Variants in NOL4L observed in about 807,000 individuals in gnomAD.
The protein encoded by NOL4L is nucleolar protein 4-like.
In NOL4L, 7 loss-of-function variants were observed where a neutral mutation model predicts 64.5. That is an observed-to-expected ratio of 0.11 (90% CI 0.06 to 0.20). The LOEUF is 0.20. Ranked by LOEUF, NOL4L falls within the 10% of genes least tolerant of loss-of-function variation. The probability of loss-of-function intolerance (pLI) is 1.00; values close to 1 mark genes in which losing one functional copy is unlikely to be tolerated. For synonymous variants in NOL4L, 413 were observed against 401.0 expected, an observed-to-expected ratio of 1.03 and a Z score of -0.36; for missense variants, 680 against 967.1, an observed-to-expected ratio of 0.70 and a Z score of 3.94.
Position 32,453,298 on chromosome 20 carries a change from A to T in NOL4L, c.1497+6T>A, listed in dbSNP as rs764739676. The T allele has an allele frequency of 5.6e-6, 9 of 1,610,232 alleles. No homozygotes were observed. Reference sequence around the variant, plus strand: ...GGAAAGTGTGGGCCAGGCAGGGGGGACTCACCATCTCCATGCCGTTCTTCT... The same window carrying T: ...GGAAAGTGTGGGCCAGGCAGGGGGGTCTCACCATCTCCATGCCGTTCTTCT... On this transcript the variant is annotated splice_donor_region_variant and intron_variant, in intron 8 of 10. Coordinates refer to ENST00000621426, the MANE Select transcript of NOL4L (RefSeq NM_001256798.2). This position sits in a 1 kb window ranked among gnomAD's most constrained non-coding sequence, Gnocchi z 5.6.
At chr20:32,556,163 C>T (rs1395601118) in intron 1 of NOL4L, among the ~76,000 whole-genome samples, 2 of 152,138 alleles carry the variant, frequency 1.3e-5, no homozygotes, top group Non-Finnish European at 1.5e-5. Context: ...TCTGCGGCCT[C>T]GGGAGCTCTC....
At chr20:32,475,718 C>T (rs563423404) in intron 4 of NOL4L, among the ~76,000 whole-genome samples, 1 of 152,224 alleles carries the variant, frequency 6.6e-6, no homozygotes, top group South Asian at 2.1e-4. Flanking sequence ...ACACAATGGC[C>T]TCTGTGGGCC....
At chr20:32,574,195 C>T (rs1406700517) in intron 1 of NOL4L, among the ~76,000 whole-genome samples, 1 of 152,218 alleles carries the variant, frequency 6.6e-6, no homozygotes, top group African/African-American at 2.4e-5. Flanking sequence ...TCTGGATGTC[C>T]CTACAGTGGC....
intron 4 of NOL4L, among the ~76,000 whole-genome samples, chr20:32,494,971 T>A (rs2016629040): frequency 6.8e-6 from 1 of 147,990 alleles, no homozygotes; most frequent in Admixed American, 6.6e-5. Context: ...GTGGACTAGA[T>A]GGCAAGGATC....
chr20:32,582,802 C>A (rs1380685189), intron 1 of NOL4L, among the ~76,000 whole-genome samples: 1 of 152,222 alleles, frequency 6.6e-6, no homozygotes, highest in East Asian at 1.9e-4. Flanking sequence ...CTCAGAAAAA[C>A]CGCCCTCCGG....
At chr20:32,500,736 C>G (rs2016891170) in intron 4 of NOL4L, among the ~76,000 whole-genome samples, 1 of 151,588 alleles carries the variant, frequency 6.6e-6, no homozygotes, top group Admixed American at 6.6e-5. Context: ...CAAAGAAGCA[C>G]TAAAAAACAA....
chr20:32,514,915 G>A (rs1244922264), intron 3 of NOL4L, among the ~76,000 whole-genome samples: 3 of 152,074 alleles, frequency 2.0e-5, no homozygotes, highest in Non-Finnish European at 4.4e-5. Flanking sequence ...TGTGAAGGGC[G>A]CCCAGCACTC....
At chr20:32,449,400 G>A (rs1283181724) in intron 10 of NOL4L, among the ~76,000 whole-genome samples, 1 of 152,232 alleles carries the variant, frequency 6.6e-6, no homozygotes, top group Non-Finnish European at 1.5e-5. Flanking sequence ...TATCCAGACT[G>A]GAAGTAACAT....
chr20:32,535,253 A>C, intron 1 of NOL4L, among the ~76,000 whole-genome samples: 1 of 148,050 alleles, frequency 6.8e-6, no homozygotes, highest in Admixed American at 6.8e-5. Context: ...TCTGAATACT[A>C]CCTACTGGGG....
At chr20:32,470,229 T>C (rs535514795) in intron 5 of NOL4L, among the ~76,000 whole-genome samples, 1 of 152,330 alleles carries the variant, frequency 6.6e-6, no homozygotes, top group African/African-American at 2.4e-5. Context: ...CCTCACATTT[T>C]CCGCTCAGGA....
At chr20:32,537,123 TCTC>T in intron 1 of NOL4L, 2 of 985,116 alleles carry the variant, frequency 2.0e-6, no homozygotes, top group Middle Eastern at 5.2e-4. Flanking sequence ...TCTTGCCAGC[TCTC>T]CTTCAGGGAG....
chr20:32,469,219 C>T (rs999090865), intron 5 of NOL4L, among the ~76,000 whole-genome samples: 3 of 151,974 alleles, frequency 2.0e-5, no homozygotes, highest in Non-Finnish European at 2.9e-5. Flanking sequence ...AGGCCAATGA[C>T]TATGTGAGAA....
intron 5 of NOL4L, among the ~76,000 whole-genome samples, chr20:32,457,774 C>A (rs1292009852): frequency 6.6e-6 from 1 of 152,224 alleles, no homozygotes; most frequent in Non-Finnish European, 1.5e-5. Context: ...CAGGGCAGCT[C>A]CGGGCTCTGC....
rs1381881234 is a variant in NOL4L at position 32,514,083 on chromosome 20, C to CT, written c.590-2628dup. ...CTTTGACGCTGTGTACTTCTGGTGA[C>CT]TTTATAGATCAAATAACATTTTGAA... is the stretch of plus-strand genomic sequence containing the variant. On this transcript the variant is annotated intron_variant, in intron 3 of 10. Transcript: ENST00000621426. Among the ~76,000 whole-genome samples, 4 of 152,296 alleles carry CT rather than the reference C, an allele frequency of 2.6e-5. No homozygotes were observed. The East Asian group carries it at 7.7e-4, about 29-fold the overall frequency.
At chr20:32,556,004 C>A (rs1978624157) in intron 1 of NOL4L, among the ~76,000 whole-genome samples, 1 of 152,216 alleles carries the variant, frequency 6.6e-6, no homozygotes, top group South Asian at 2.1e-4. Flanking sequence ...TTTCTGTGAT[C>A]ATTTGGTTAA....
intron 4 of NOL4L, 21 bp from the exon 5 acceptor site, chr20:32,474,763 T>G: frequency 6.3e-7 from 1 of 1,589,614 alleles, no homozygotes; most frequent in Non-Finnish European, 8.6e-7. Context: ...ACAAAGAAGG[T>G]GGGCATTCAG....
chr20:32,487,277 T>C (rs142137285), intron 4 of NOL4L, among the ~76,000 whole-genome samples: 1 of 151,666 alleles, frequency 6.6e-6, no homozygotes, highest in African/African-American at 2.4e-5. Context: ...TCAAAAAAAA[T>C]TAAAGAGAGA....
chr20:32,513,554 TATA>T (rs1275245121), intron 3 of NOL4L, among the ~76,000 whole-genome samples: 5 of 152,124 alleles, frequency 3.3e-5, no homozygotes, highest in Admixed American at 2.0e-4. Context: ...ACAGTGTGAA[TATA>T]ATATCTTTAA....
rs372788532 is a variant in NOL4L, at chr20:32,453,409, G to T, written c.1392C>A (p.Ile464=). 5 of 1,613,976 alleles carry T rather than the reference G, an allele frequency of 3.1e-6. No individual in the cohort carries two copies. Among genetic ancestry groups the T allele is most frequent in the Admixed American group, 1.7e-5 (1 of 60,008 alleles). The change falls in exon 8 of 11, where the codon ATC becomes ATA. Residue 464 remains isoleucine (I), a synonymous_variant. Coordinates refer to ENST00000621426, the MANE Select transcript of NOL4L (RefSeq NM_001256798.2). This position sits in a 1 kb window ranked among gnomAD's most constrained non-coding sequence, Gnocchi z 5.6. ...CAGGGAACTGCCGGCTGCAGGACTC[G>T]ATGATGGCCTGGATCTTCTCCTTGG... is the stretch of plus-strand genomic sequence containing the variant. The part of the protein sequence containing the change: ...KQPKEKIQAI[I]ESCSRQFPEF...
Sources: allele counts gnomAD v4.1 joint callset (sites outside exome capture counted in the v4.1 genomes callset), GRCh38; gene constraint gnomAD v4.1.1; non-coding constraint Gnocchi (gnomAD v3.1); transcripts MANE v1.5; gene names NCBI Gene and HGNC (gene_info 2026-07-23, HGNC 2026-07-21).